NAP1L4: variants seen among roughly 807,000 people sequenced by gnomAD.
The protein encoded by NAP1L4 is nucleosome assembly protein 1-like 4.
A neutral mutation model predicts 58.2 loss-of-function variants in NAP1L4; 15 were observed. That is an observed-to-expected ratio of 0.26 (90% CI 0.17 to 0.40). The LOEUF is 0.40. Ranked by LOEUF, NAP1L4 falls within the 10% of genes least tolerant of loss-of-function variation. NAP1L4 has a pLI of 1.00. For synonymous variants in NAP1L4, 171 were observed against 155.6 expected (o/e 1.10, Z -0.74); for missense variants, 384 against 451.1 (o/e 0.85, Z 1.35).
At chr11:2,980,507 C>G (rs1848241346) in intron 1 of NAP1L4, among the ~76,000 whole-genome samples, 1 of 152,176 alleles carries the variant, frequency 6.6e-6, no homozygotes, top group African/African-American at 2.4e-5. Context: ...AAAATCTAAT[C>G]TAAATGCATT....
chr11:2,977,345 AC>A (rs1389975305), intron 3 of NAP1L4, among the ~76,000 whole-genome samples: 1 of 152,118 alleles, frequency 6.6e-6, no homozygotes, highest in Non-Finnish European at 1.5e-5. Flanking sequence ...CCGAGCCAAC[AC>A]CCTGTGCCTC....
intron 8 of NAP1L4, among the ~76,000 whole-genome samples, chr11:2,963,271 C>T (rs1045739642): frequency 2.6e-5 from 4 of 152,050 alleles, no homozygotes; most frequent in Admixed American, 6.5e-5. Flanking sequence ...AAGCACCGCA[C>T]GCTCACACCA....
chr11:2,989,915 T>C (rs1848853723), intron 1 of NAP1L4: 1 of 152,236 alleles, frequency 6.6e-6, no homozygotes, highest in Non-Finnish European at 1.5e-5. Context: ...AATGGCTAAT[T>C]TGCAAAACAC....
chr11:2,956,802 A>C (rs576327874), intron 10 of NAP1L4, among the ~76,000 whole-genome samples: 55 of 152,364 alleles, frequency 3.6e-4, no homozygotes, highest in African/African-American at 1.3e-3. Context: ...AGGACAAAGG[A>C]GCTGGACTCA....
intron 4 of NAP1L4, 135 bp downstream of exon 4, chr11:2,975,889 T>A: frequency 1.3e-6 from 1 of 749,910 alleles, no homozygotes; most frequent in Non-Finnish European, 2.1e-6. Context: ...CATATCCCAG[T>A]GCCTGTCTCT....
intron 12 of NAP1L4, chr11:2,952,752 G>C (rs1011570624): frequency 1.3e-5 from 2 of 152,196 alleles, no homozygotes; most frequent in African/African-American, 4.8e-5. Context: ...CCTCCAGCAG[G>C]CTCCAGGGCC....
At chr11:2,992,021 G>A (rs1210586723) in intron 1 of NAP1L4, 13 of 152,142 alleles carry the variant, frequency 8.5e-5, no homozygotes, top group African/African-American at 3.1e-4. Context: ...GAGTTGGGAG[G>A]GGCCTCCCGC....
At chr11:2,969,190 G>A (rs970372638) in intron 7 of NAP1L4, among the ~76,000 whole-genome samples, 2 of 151,726 alleles carry the variant, frequency 1.3e-5, no homozygotes, top group Non-Finnish European at 2.9e-5. Flanking sequence ...GGGATTTCGC[G>A]ATGCTGCCCA....
At chr11:2,967,955 C>A (rs577606701) in intron 7 of NAP1L4, among the ~76,000 whole-genome samples, 1 of 152,276 alleles carries the variant, frequency 6.6e-6, no homozygotes, top group African/African-American at 2.4e-5. Flanking sequence ...CAGGTGGCCA[C>A]ACGCACAGAA....
intron 12 of NAP1L4, among the ~76,000 whole-genome samples, chr11:2,952,931 G>T (rs988858518): frequency 5.5e-5 from 8 of 146,434 alleles, no homozygotes; most frequent in Admixed American, 1.4e-4. Flanking sequence ...GTTGGGGTAC[G>T]GTCTAGAAAG....
chr11:2,944,483 A>G lies in NAP1L4; in HGVS notation c.*1196T>C, dbSNP rs1845836067. 1.3e-5 allele frequency: 2 copies of G among 152,312 alleles called. No individual in the cohort carries two copies. Among genetic ancestry groups the G allele is most frequent in the Non-Finnish European group, 2.9e-5 (2 of 68,078 alleles). The allele number at this position is 152,312 out of a possible 1,614,324, so 9.4% of individuals were successfully genotyped here. On this transcript the variant is annotated 3_prime_UTR_variant, in exon 16 of 16. Coordinates refer to ENST00000380542, the MANE Select transcript of NAP1L4 (RefSeq NM_005969.4). ...AGAATATTCTAACTATTCTGTACAA[A>G]TTGAAAACACTGTATTCAGTTACAA...
chr11:2,981,418 CAAAAAAAAAA>C (rs35499396), intron 1 of NAP1L4, among the ~76,000 whole-genome samples: 6 of 41,278 alleles, frequency 1.5e-4, no homozygotes, highest in East Asian at 3.3e-3. Flanking sequence ...TACCCTGTCT[CAAAAAAAAAA>C]AAAAAAAAAA....
Position 2,949,776 on chromosome 11 carries a change from G to T in NAP1L4, c.1123-512C>A, listed in dbSNP as rs1306589622. ...ACCTGGGACGTGAAAGGAGACTCAA[G>T]GTTCTCCAAGGTGACAGAGAAAGCA... On this transcript the variant is annotated intron_variant, in intron 14 of 15. Coordinates refer to ENST00000380542, the MANE Select transcript of NAP1L4 (RefSeq NM_005969.4). The surrounding 1 kb of genome is among the most constrained non-coding windows in gnomAD (Gnocchi z 4.0). 1.3e-5 allele frequency among the ~76,000 whole-genome samples: 2 copies of T among 152,218 alleles called. No individual in the cohort carries two copies. The highest frequency in any genetic ancestry group is 4.8e-5 in the African/African-American group (2 of 41,452).
chr11:2,964,207 T>C (rs768741813), intron 8 of NAP1L4, among the ~76,000 whole-genome samples: 10 of 151,266 alleles, frequency 6.6e-5, no homozygotes, highest in African/African-American at 1.9e-4. Context: ...CCCATCTTTT[T>C]AAACGTTAAA....
rs1317277691 is a variant in NAP1L4, at chr11:2,971,703, T to TG, written c.316-170dup. ...CAAAGAAAAATATTAAATGATTCCC[T>TG]GGGTAAACCTGGATGTTTCACCTAA... On this transcript the variant is annotated intron_variant, in intron 5 of 15. Transcript: ENST00000380542. This position sits in a 1 kb window ranked among gnomAD's most constrained non-coding sequence, Gnocchi z 4.2. Among the ~76,000 whole-genome samples the TG allele has an allele frequency of 1.3e-5, 2 of 152,264 alleles. No individual in the cohort carries two copies. The highest frequency in any genetic ancestry group is 2.9e-5 in the Non-Finnish European group (2 of 68,044).
intron 1 of NAP1L4, chr11:2,990,898 G>A (rs1008180489): frequency 3.0e-6 from 1 of 337,382 alleles, no homozygotes; most frequent in African/African-American, 2.1e-5. Flanking sequence ...TAGTAACTTA[G>A]AAAGACTTAC....
At position 2,951,668 on chromosome 11, in the gene NAP1L4, C is replaced by A. The variant is rs537749884; in HGVS notation, c.1065+112G>T. 1.2e-5 allele frequency: 12 copies of A among 984,222 alleles called. No homozygotes were observed. The African/African-American group carries it at 1.9e-4, about 16-fold the overall frequency. The allele number at this position is 984,222 out of a possible 1,614,324, so 61.0% of individuals were successfully genotyped here. A position where few individuals can be genotyped will look rare whatever the true frequency, so the allele number is the denominator to read the frequency against. On this transcript the variant is annotated intron_variant, in intron 13 of 15. Coordinates refer to ENST00000380542, the MANE Select transcript of NAP1L4 (RefSeq NM_005969.4). This position sits in a 1 kb window ranked among gnomAD's most constrained non-coding sequence, Gnocchi z 4.0. ...AGAACATTCTTAGAATCAAAGACAG[C>A]GTCACAAAAAATGGGTTTAACACAG...
At chr11:2,964,814 G>C (rs11603844) in intron 7 of NAP1L4, 63 bp from the exon 8 acceptor site, 101,264 of 1,264,636 alleles carry the variant, frequency 0.08, 4,927 homozygotes, top group Non-Finnish European at 0.089. Flanking sequence ...CTCTCCCGAA[G>C]AGTCATGGTT....
intron 8 of NAP1L4, among the ~76,000 whole-genome samples, chr11:2,963,506 A>T (rs1276242524): frequency 2.0e-5 from 3 of 152,202 alleles, no homozygotes; most frequent in Non-Finnish European, 4.4e-5. Context: ...AGAGAGGGAC[A>T]CCTGAATGTC....
Sources: allele counts gnomAD v4.1 joint callset (sites outside exome capture counted in the v4.1 genomes callset), GRCh38; gene constraint gnomAD v4.1.1; non-coding constraint Gnocchi (gnomAD v3.1); transcripts MANE v1.5; gene names NCBI Gene and HGNC (gene_info 2026-07-23, HGNC 2026-07-21).